UBR7: variants seen among roughly 807,000 people sequenced by gnomAD.
UBR7 encodes putative E3 ubiquitin-protein ligase UBR7.
In UBR7, 22 loss-of-function variants were observed where a neutral mutation model predicts 57.0. The ratio of observed to expected loss-of-function variants is 0.39; its 90% CI spans 0.28 to 0.55. UBR7 has a LOEUF of 0.55. Ranked by LOEUF, UBR7 falls within the 20% of genes least tolerant of loss-of-function variation. The probability of loss-of-function intolerance (pLI) is 0.69; values close to 1 mark genes in which losing one functional copy is unlikely to be tolerated. For missense variants in UBR7, 395 were observed against 513.2 expected (o/e 0.77, Z 2.23); for synonymous variants, 167 against 179.8 (o/e 0.93, Z 0.57).
intron 7 of UBR7, 40 bp from the exon 8 acceptor site, chr14:93,219,172 T>G: frequency 6.2e-7 from 1 of 1,604,328 alleles, no homozygotes; most frequent in Non-Finnish European, 8.5e-7. Context: ...AAAACTATGG[T>G]AGTTTAAAAA....
chr14:93,220,628 A>G (rs1201048763), intron 9 of UBR7, among the ~76,000 whole-genome samples: 1 of 152,132 alleles, frequency 6.6e-6, no homozygotes, highest in Non-Finnish European at 1.5e-5. Context: ...AAACCACAAC[A>G]TATGCTATTC....
chr14:93,220,178 C>A, intron 8 of UBR7, 71 bp from the exon 9 acceptor site: 1 of 1,509,578 alleles, frequency 6.6e-7, no homozygotes, highest in Non-Finnish European at 8.9e-7. Flanking sequence ...AGGAAATTGG[C>A]TTTCTGAGAA....
rs542611749 is a variant in UBR7 at position 93,227,551 on chromosome 14, A to C, written c.*516A>C. The C allele has an allele frequency of 4.3e-6, 3 of 699,236 alleles. No homozygotes were observed. The highest frequency in any genetic ancestry group is 7.8e-6 in the Non-Finnish European group (3 of 384,506). The allele number at this position is 699,236 out of a possible 1,614,324, so 43.3% of individuals were successfully genotyped here. On this transcript the variant is annotated 3_prime_UTR_variant, in exon 11 of 11. Transcript: ENST00000013070. ...CCTTCTTTCACGTCCCTGTTTTCTG[A>C]GGTTTGGTCATAGCTTAGAAAGGAT...
At position 93,227,328 on chromosome 14, in the gene UBR7, A is replaced by G. The variant is rs1331349458; in HGVS notation, c.*293A>G. 1 of 606,686 alleles carries G rather than the reference A, an allele frequency of 1.6e-6. No homozygotes were observed. The allele number at this position is 606,686 out of a possible 1,614,324, so 37.6% of individuals were successfully genotyped here. ...TTTTAAGTTTGATTTTGTTTTGAGA[A>G]AGCAAATTGGTGTCTTGTTTAATGA... On this transcript the variant is annotated 3_prime_UTR_variant, in exon 11 of 11. Coordinates refer to ENST00000013070, the MANE Select transcript of UBR7 (RefSeq NM_175748.4).
At chr14:93,209,314 A>G (rs1273550234) in intron 1 of UBR7, among the ~76,000 whole-genome samples, 1 of 152,248 alleles carries the variant, frequency 6.6e-6, no homozygotes, top group Non-Finnish European at 1.5e-5. Context: ...ATTTACAAAC[A>G]TTTTCCAGGA....
chr14:93,220,108 T>A, intron 8 of UBR7, 141 bp from the exon 9 acceptor site: 1 of 804,686 alleles, frequency 1.2e-6, no homozygotes, highest in Non-Finnish European at 1.9e-6. Flanking sequence ...AATTCTGTGT[T>A]AAAGACGCTC....
At chr14:93,221,934 G>C (rs1054817338) in intron 9 of UBR7, among the ~76,000 whole-genome samples, 3 of 152,276 alleles carry the variant, frequency 2.0e-5, no homozygotes, top group Non-Finnish European at 4.4e-5. Flanking sequence ...CTGGGTGACA[G>C]AGTGAGACTC....
rs1894378278 is a variant in UBR7 at position 93,207,281 on chromosome 14, GA to G, written c.-10del. The G allele has an allele frequency of 3.2e-6, 5 of 1,552,618 alleles. No homozygotes were observed. The highest frequency in any genetic ancestry group is 4.4e-6 in the Non-Finnish European group (5 of 1,148,230). Reference sequence around the variant, plus strand: ...GCCGGGGCCGAGCCGCTGTTCGGCTGACAGTTGAGGATGGCCGGAGCCGAGG... The same window carrying G: ...GCCGGGGCCGAGCCGCTGTTCGGCTGCAGTTGAGGATGGCCGGAGCCGAGG... On this transcript the variant is annotated 5_prime_UTR_variant, in exon 1 of 11. Coordinates refer to ENST00000013070, the MANE Select transcript of UBR7 (RefSeq NM_175748.4).
At position 93,228,395 on chromosome 14, in the gene UBR7, A is replaced by G; in HGVS notation, c.*1360A>G. On this transcript the variant is annotated 3_prime_UTR_variant, in exon 11 of 11. Coordinates refer to ENST00000013070, the MANE Select transcript of UBR7 (RefSeq NM_175748.4). ...GACACACCTTGATGTATGTTAATAA[A>G]AGCATTTCAGGCTGTGGGGCCACCA... is the stretch of plus-strand genomic sequence containing the variant. 1 of 454,384 alleles carries G rather than the reference A, an allele frequency of 2.2e-6. No individual in the cohort carries two copies. 28.1% of individuals were successfully genotyped at this position (454,384 alleles called of 1,614,324 possible).
Position 93,219,265 on chromosome 14 carries a change from T to C in UBR7, c.864T>C (p.Leu288=). Residue 288 remains leucine, a synonymous_variant, in exon 8 of 11, where the codon CTT becomes CTC. Transcript: ENST00000013070. ...LNAESKSGCK[L]QELKAKQLIK... is the part of the protein sequence containing the mutation. ...CAGAATCAAAATCTGGCTGCAAACT[T>C]CAGGAGCTTAAAGCTAAGCAGCTTA... 6.2e-7 allele frequency: 1 copy of C among 1,614,214 alleles called. No individual in the cohort carries two copies. The highest frequency in any genetic ancestry group is 1.3e-5 in the African/African-American group (1 of 75,056).
chr14:93,207,788 T>C (rs1318629726), intron 1 of UBR7, among the ~76,000 whole-genome samples: 1 of 152,206 alleles, frequency 6.6e-6, no homozygotes, highest in African/African-American at 2.4e-5. Flanking sequence ...GATCCAGACA[T>C]CTTTGTCCCT....
chr14:93,225,936 T>C (rs1894840943), intron 10 of UBR7, among the ~76,000 whole-genome samples: 1 of 152,208 alleles, frequency 6.6e-6, no homozygotes, highest in Non-Finnish European at 1.5e-5. Flanking sequence ...ATCCTATTTA[T>C]TAGCATTTTG....
At chr14:93,224,267 T>G (rs771815582) in intron 10 of UBR7, 19 of 393,184 alleles carry the variant, frequency 4.8e-5, no homozygotes, top group Admixed American at 1.3e-4. Context: ...GCTGCCTTTC[T>G]GCAAAATGAA....
Position 93,228,901 on chromosome 14 carries a change from GTTA to G in UBR7, c.*1867_*1869del. On this transcript the variant is annotated 3_prime_UTR_variant, in exon 11 of 11. Coordinates refer to ENST00000013070, the MANE Select transcript of UBR7 (RefSeq NM_175748.4). ...ACGTGCAGCACAATAGTACCGATCA[GTTA>G]ACTCAGCGCTGAAGGGCTTGTTTTA... The G allele has an allele frequency of 2.2e-6, 1 of 454,108 alleles. No individual in the cohort carries two copies. Among genetic ancestry groups the G allele is most frequent in the Non-Finnish European group, 4.4e-6 (1 of 226,800 alleles). The allele number at this position is 454,108 out of a possible 1,614,324, so 28.1% of individuals were successfully genotyped here.
intron 9 of UBR7, 105 bp downstream of exon 9, chr14:93,220,516 A>C: frequency 2.9e-6 from 4 of 1,388,276 alleles, no homozygotes; most frequent in Non-Finnish European, 4.0e-6. Flanking sequence ...AAAGAATTAA[A>C]ATTTTGAATT....
Position 93,219,320 on chromosome 14 carries a change from C to G in UBR7, c.919C>G (p.Leu307Val). 1 of 1,614,172 alleles carries G rather than the reference C, an allele frequency of 6.2e-7. No homozygotes were observed. The highest frequency in any genetic ancestry group is 8.5e-7 in the Non-Finnish European group (1 of 1,180,034). Residue 307 changes from leucine (L) to valine (V), a missense_variant, in exon 8 of 11, where the codon CTG (leucine) becomes GTG (valine). Transcript: ENST00000013070. ...GAAAGACACTGCCACCTATTGGCCCCTGAACTGGCGTAGCAAGTTGTGTAC... is the reference window on the plus strand; with the variant it reads ...GAAAGACACTGCCACCTATTGGCCCGTGAACTGGCGTAGCAAGTTGTGTAC... ...IKKDTATYWP[L>V]NWRSKLCTCQ... is the part of the protein sequence containing the mutation.
intron 6 of UBR7, among the ~76,000 whole-genome samples, chr14:93,217,853 T>C (rs1185644577): frequency 6.6e-6 from 1 of 152,094 alleles, no homozygotes; most frequent in African/African-American, 2.4e-5. Flanking sequence ...CCCAGCACTT[T>C]GGGAGGCCGA....
At chr14:93,221,982 A>G (rs2140106136) in intron 9 of UBR7, among the ~76,000 whole-genome samples, 1 of 152,274 alleles carries the variant, frequency 6.6e-6, no homozygotes, top group East Asian at 1.9e-4. Context: ...TAAATTAAAT[A>G]TTCAACAAGT....
chr14:93,214,860 C>G (rs1042112972), intron 4 of UBR7, 69 bp from the exon 5 acceptor site: 23 of 1,347,474 alleles, frequency 1.7e-5, no homozygotes, highest in African/African-American at 4.3e-5. Context: ...TCTTATTTTA[C>G]TGTGTGCCAG....
Sources: gnomAD v4.1 joint callset for allele counts (sites outside exome capture counted in the v4.1 genomes callset) on GRCh38, gnomAD v4.1.1 for gene constraint, MANE v1.5 for transcripts, NCBI Gene and HGNC (gene_info 2026-07-23, HGNC 2026-07-21) for gene names.